CD244: variants seen among roughly 807,000 people sequenced by gnomAD.
CD244 encodes the protein CD244 molecule, also known as natural killer cell receptor 2B4.
CD244 carries 20 observed loss-of-function variants against 45.5 expected under a neutral mutation model. That is an observed-to-expected ratio of 0.44 (90% CI 0.31 to 0.64). The LOEUF (loss-of-function observed/expected upper bound fraction) is 0.64. CD244 is among the 30% of genes least tolerant of loss of function. The pLI is 0.08. For synonymous variants in CD244, 185 were observed against 160.5 expected, an observed-to-expected ratio of 1.15 and a Z score of -1.15; for missense variants, 407 against 426.9, an observed-to-expected ratio of 0.95 and a Z score of 0.41.
intron 1 of CD244, among the ~76,000 whole-genome samples, chr1:160,855,303 A>C (rs905936058): frequency 6.6e-6 from 1 of 152,166 alleles, no homozygotes; most frequent in African/African-American, 2.4e-5. Context: ...CTGAGAGTCC[A>C]GCTGGGGTTG....
chr1:160,840,643 A>G (rs935952737), intron 3 of CD244, among the ~76,000 whole-genome samples: 3 of 152,006 alleles, frequency 2.0e-5, no homozygotes, highest in African/African-American at 7.3e-5. Context: ...TGAGAGCTGT[A>G]TGGTTTTTTT....
At chr1:160,856,884 A>G (rs1051068722) in intron 1 of CD244, among the ~76,000 whole-genome samples, 1 of 144,966 alleles carries the variant, frequency 6.9e-6, no homozygotes, top group Admixed American at 6.8e-5. Flanking sequence ...TGAAAAGGCA[A>G]CCAATAGAAT....
At chr1:160,859,971 C>T (rs1011966785) in intron 1 of CD244, among the ~76,000 whole-genome samples, 3 of 151,950 alleles carry the variant, frequency 2.0e-5, no homozygotes, top group African/African-American at 4.8e-5. Context: ...TTTTGAGAGG[C>T]GGAGGTGGGT....
At chr1:160,860,676 A>T (rs1464262727) in intron 1 of CD244, among the ~76,000 whole-genome samples, 7 of 152,264 alleles carry the variant, frequency 4.6e-5, no homozygotes, top group Admixed American at 4.6e-4. Flanking sequence ...TTATACACAC[A>T]TATACATACA....
At chr1:160,841,134 C>T (rs1289950664) in intron 3 of CD244, 76 bp downstream of exon 3, 5 of 1,426,710 alleles carry the variant, frequency 3.5e-6, no homozygotes, top group Non-Finnish European at 4.9e-6. Context: ...TCTCATACCA[C>T]ATCTGTCTTG....
intron 1 of CD244, among the ~76,000 whole-genome samples, chr1:160,846,282 G>A (rs931935199): frequency 6.6e-5 from 10 of 152,016 alleles, no homozygotes; most frequent in South Asian, 2.1e-4. Context: ...TAACTCCCAC[G>A]TATCAGTGAG....
intron 7 of CD244, among the ~76,000 whole-genome samples, chr1:160,833,229 C>A (rs547841274): frequency 6.6e-6 from 1 of 152,134 alleles, no homozygotes; most frequent in Admixed American, 6.5e-5. Context: ...ACAAATCTCT[C>A]TCACGATGGG....
chr1:160,840,540 G>C (rs1233813467), intron 3 of CD244, among the ~76,000 whole-genome samples: 1 of 152,148 alleles, frequency 6.6e-6, no homozygotes, highest in Non-Finnish European at 1.5e-5. Flanking sequence ...GGATTACAGG[G>C]AGCCACTGCG....
intron 1 of CD244, among the ~76,000 whole-genome samples, chr1:160,854,349 C>A (rs1165467403): frequency 6.6e-6 from 1 of 152,166 alleles, no homozygotes; most frequent in East Asian, 1.9e-4. Context: ...AGGAATCACA[C>A]AGGAAAATGG....
At chr1:160,839,720 T>C (rs1024577867) in intron 3 of CD244, among the ~76,000 whole-genome samples, 1 of 152,222 alleles carries the variant, frequency 6.6e-6, no homozygotes, top group Admixed American at 6.5e-5. Context: ...TCTTGGCATC[T>C]GTGGTTGCGA....
chr1:160,831,133 T>C lies in CD244; in HGVS notation c.*214A>G. Reference sequence around the variant, plus strand: ...ACAACCTAACCCCTCCACCCATTCATGTCTGATCTGTAAATTGGAAGATAT... The same window carrying C: ...ACAACCTAACCCCTCCACCCATTCACGTCTGATCTGTAAATTGGAAGATAT... On this transcript the variant is annotated 3_prime_UTR_variant, in exon 9 of 9. Coordinates refer to ENST00000368034, the MANE Select transcript of CD244 (RefSeq NM_016382.4). The C allele has an allele frequency of 8.0e-6, 4 of 498,880 alleles. No homozygotes were observed. Among genetic ancestry groups the C allele is most frequent in the South Asian group, 5.8e-5 (2 of 34,208 alleles). The allele number at this position is 498,880 out of a possible 1,614,324, so 30.9% of individuals were successfully genotyped here.
At position 160,832,870 on chromosome 1, in the gene CD244, G is replaced by GTA. The variant is rs1553194340; in HGVS notation, c.961-297_961-296dup. Among the ~76,000 whole-genome samples, 1,172 of 117,892 alleles carry GTA rather than the reference G, an allele frequency of 9.9e-3. 19 individuals are homozygous for GTA. Among genetic ancestry groups the GTA allele is most frequent in the African/African-American group, 0.026 (922 of 35,924 alleles). The allele number at this position is 117,892 out of a possible 152,430, so 77.3% of individuals were successfully genotyped here. The stretch of plus-strand genomic sequence containing the variant: ...CCCATACACATATGTGTGTGTGTGT[G>GTA]TATATATATATATATATACACACAC... On this transcript the variant is annotated intron_variant, in intron 7 of 8. Transcript: ENST00000368034.
chr1:160,861,456 CCT>C (rs557673358), intron 1 of CD244, among the ~76,000 whole-genome samples: 95 of 152,280 alleles, frequency 6.2e-4, no homozygotes, highest in Middle Eastern at 6.8e-3. Flanking sequence ...CTCAGTTTCC[CCT>C]CTTTGTGCCC....
intron 5 of CD244, 29 bp downstream of exon 5, chr1:160,838,422 G>A (rs2101867242): frequency 6.4e-7 from 1 of 1,555,376 alleles, no homozygotes; most frequent in East Asian, 2.2e-5. Flanking sequence ...AGCCAGCTGA[G>A]AGAGACCCCA....
intron 5 of CD244, among the ~76,000 whole-genome samples, chr1:160,837,975 C>T (rs2101866586): frequency 6.6e-6 from 1 of 152,330 alleles, no homozygotes; most frequent in Middle Eastern, 3.4e-3. Flanking sequence ...TCTAGTACCT[C>T]AGCCACACTC....
At chr1:160,837,657 TG>T (rs979957969) in intron 5 of CD244, among the ~76,000 whole-genome samples, 9 of 152,192 alleles carry the variant, frequency 5.9e-5, no homozygotes, top group African/African-American at 2.2e-4. Context: ...TGCGTGCTGC[TG>T]GGTCTCCACA....
chr1:160,833,233 C>A (rs1033354396), intron 7 of CD244, among the ~76,000 whole-genome samples: 1 of 152,088 alleles, frequency 6.6e-6, no homozygotes, highest in African/African-American at 2.4e-5. Flanking sequence ...ATCTCTCTCA[C>A]GATGGGATCC....
At chr1:160,843,217 A>G (rs1669609316) in intron 1 of CD244, among the ~76,000 whole-genome samples, 1 of 152,228 alleles carries the variant, frequency 6.6e-6, no homozygotes, top group African/African-American at 2.4e-5. Flanking sequence ...TCCTAAGACT[A>G]AAACACATAG....
intron 6 of CD244, 77 bp downstream of exon 6, chr1:160,836,118 A>T: frequency 9.5e-7 from 1 of 1,057,028 alleles, no homozygotes; most frequent in Non-Finnish European, 1.5e-6. Context: ...TCTGCCATTC[A>T]ATGGTGTGAG....
Sources: allele counts gnomAD v4.1 joint callset (sites outside exome capture counted in the v4.1 genomes callset), GRCh38; gene constraint gnomAD v4.1.1; transcripts MANE v1.5; gene names NCBI Gene and HGNC (gene_info 2026-07-23, HGNC 2026-07-21).